Variants in ABCA12 observed in about 807,000 individuals in gnomAD.
ABCA12 encodes glucosylceramide transporter ABCA12.
Under a neutral mutation model 293.5 loss-of-function variants are expected in ABCA12, and 156 were observed. The ratio of observed to expected loss-of-function variants is 0.53; its 90% confidence interval spans 0.47 to 0.61. The LOEUF is 0.61. Ranked by LOEUF, ABCA12 falls within the 20% of genes least tolerant of loss-of-function variation. The pLI is 0.00. For missense variants in ABCA12, 2,797 were observed against 3,090.2 expected (o/e 0.91, Z 2.25); for synonymous variants, 1,063 against 1,108.0 (o/e 0.96, Z 0.81).
chr2:214,974,129 T>G (rs1699453920), intron 35 of ABCA12, 87 bp from the exon 36 acceptor site: 1 of 1,197,506 alleles, frequency 8.4e-7, no homozygotes, highest in African/African-American at 1.5e-5. Context: ...GTATTTGGTA[T>G]TAAGTTCATG....
intron 2 of ABCA12, among the ~76,000 whole-genome samples, chr2:215,088,333 C>T (rs1477015384): frequency 1.3e-5 from 2 of 152,044 alleles, no homozygotes; most frequent in Non-Finnish European, 2.9e-5. Context: ...GACAAATTGA[C>T]AGAACTTAGT....
chr2:215,075,748 A>G (rs1458962493), intron 2 of ABCA12: 6 of 562,788 alleles, frequency 1.1e-5, no homozygotes, highest in Non-Finnish European at 1.9e-5. Context: ...TAATTACCCC[A>G]ATAGAGGTAT....
chr2:214,941,233 T>C (rs1023064029), intron 50 of ABCA12, among the ~76,000 whole-genome samples: 10 of 152,214 alleles, frequency 6.6e-5, no homozygotes, highest in Admixed American at 5.9e-4. Context: ...CCAGTAGTCA[T>C]TCAGGAGCAG....
chr2:215,001,100 G>A (rs1217108186), intron 21 of ABCA12, 80 bp from the exon 22 acceptor site: 3 of 1,388,510 alleles, frequency 2.2e-6, no homozygotes, highest in African/African-American at 2.9e-5. Flanking sequence ...ACACAGAGGG[G>A]ACAGCCAAAC....
intron 50 of ABCA12, among the ~76,000 whole-genome samples, chr2:214,940,703 G>A (rs1028613870): frequency 7.2e-5 from 11 of 152,090 alleles, no homozygotes; most frequent in African/African-American, 2.7e-4. Context: ...TTGGGAGGGT[G>A]TATGTGTTCA....
rs1169427495 is a variant in ABCA12, at chr2:214,989,447, A to G, written c.3711T>C (p.Asn1237=). 1 of 1,613,504 alleles carries G rather than the reference A, an allele frequency of 6.2e-7. No homozygotes were observed. Among genetic ancestry groups the G allele is most frequent in the South Asian group, 1.1e-5 (1 of 91,050 alleles). Residue 1237 remains asparagine, a synonymous_variant, in exon 26 of 53, where the codon AAT becomes AAC. Transcript: ENST00000272895. ...CATCCTGAACCGGGGAGGTGTACAT[A>G]TTTTCCCACTGAAGACCTAAAAAGT... ...EEQGIGLQWE[N]MYTSPVQDDT... is the part of the protein sequence containing the mutation.
rs752624734 is a variant in ABCA12 at position 215,064,228 on chromosome 2, A to G, written c.164-9T>C. The G allele has an allele frequency of 2.5e-6, 4 of 1,611,656 alleles. No homozygotes were observed. In the Admixed American group the frequency reaches 6.7e-5, roughly 27 times the overall value. On this transcript the variant is annotated splice_polypyrimidine_tract_variant and intron_variant, in intron 2 of 52. Coordinates refer to ENST00000272895, the MANE Select transcript of ABCA12 (RefSeq NM_173076.3). ...TCGAGGTGCGAGGTAACCTAAAATT[A>G]AAAAAACAGTCATTACATCAGTATG...
intron 15 of ABCA12, 57 bp from the exon 16 acceptor site, chr2:215,012,192 A>G (rs1007200209): frequency 4.6e-6 from 7 of 1,538,022 alleles, no homozygotes; most frequent in East Asian, 2.2e-5. Flanking sequence ...ATCCTCATGC[A>G]TTGTTGGTAA....
intron 13 of ABCA12, among the ~76,000 whole-genome samples, chr2:215,018,556 A>G (rs1444481656): frequency 1.3e-5 from 2 of 152,200 alleles, no homozygotes; most frequent in African/African-American, 4.8e-5. Flanking sequence ...TCCACACATA[A>G]TGCCACAGAG....
chr2:215,047,451 C>A (rs1406594558), intron 6 of ABCA12, among the ~76,000 whole-genome samples: 1 of 152,104 alleles, frequency 6.6e-6, no homozygotes, highest in Non-Finnish European at 1.5e-5. Context: ...ACCAATGGAA[C>A]AGAATAGCAA....
At chr2:215,015,708 G>C in intron 14 of ABCA12, 45 bp from the exon 15 acceptor site, 1 of 1,570,782 alleles carries the variant, frequency 6.4e-7, no homozygotes, top group Non-Finnish European at 8.8e-7. Context: ...AATCATTCGA[G>C]AGTCAACTGT....
At chr2:215,099,252 C>A (rs1326749283) in intron 2 of ABCA12, among the ~76,000 whole-genome samples, 1 of 152,214 alleles carries the variant, frequency 6.6e-6, no homozygotes, top group Non-Finnish European at 1.5e-5. Flanking sequence ...ACTGTCAGTG[C>A]CAACGCACCA....
At chr2:215,002,993 G>A (rs879787680) in intron 20 of ABCA12, among the ~76,000 whole-genome samples, 34 of 152,122 alleles carry the variant, frequency 2.2e-4, no homozygotes, top group Non-Finnish European at 4.4e-4. Flanking sequence ...ATAGTTCCTT[G>A]CCCAAATGAT....
chr2:214,968,847 G>GA, intron 37 of ABCA12, 40 bp from the exon 38 acceptor site: 3 of 1,569,214 alleles, frequency 1.9e-6, no homozygotes, highest in Non-Finnish European at 2.6e-6. Context: ...GTTTAGTGGA[G>GA]AAAATCTTCT....
chr2:215,038,675 G>A (rs920598320), intron 7 of ABCA12, among the ~76,000 whole-genome samples: 2 of 152,200 alleles, frequency 1.3e-5, no homozygotes, highest in South Asian at 4.1e-4. Flanking sequence ...GACTGTCTCA[G>A]GGCGTAAATC....
At chr2:215,019,966 A>G (rs1700592262) in intron 11 of ABCA12, among the ~76,000 whole-genome samples, 170 bp from the exon 12 acceptor site, 1 of 152,140 alleles carries the variant, frequency 6.6e-6, no homozygotes, top group Admixed American at 6.5e-5. Context: ...ACCGTCTGTC[A>G]TTTGAGTTTA....
At chr2:215,096,573 C>T (rs1702253677) in intron 2 of ABCA12, among the ~76,000 whole-genome samples, 2 of 152,168 alleles carry the variant, frequency 1.3e-5, no homozygotes, top group Non-Finnish European at 1.5e-5. Context: ...CCTTTGTCCC[C>T]CAAATCCAGT....
At position 215,131,268 on chromosome 2, in the gene ABCA12, C is replaced by G. The variant is rs150114561; in HGVS notation, c.69+6872G>C. 6.8e-3 allele frequency among the ~76,000 whole-genome samples: 1,039 copies of G among 151,858 alleles called. 3 individuals carry two copies. The highest frequency in any genetic ancestry group is 9.7e-3 in the Non-Finnish European group (661 of 67,858). ...CATAGAATGAGATGGGAAGGGAGCC[C>G]TCCTCTTCGATTTTTTTTTGGAATA... On this transcript the variant is annotated intron_variant, in intron 1 of 52. Transcript: ENST00000272895.
At chr2:214,951,854 C>T (rs1200841061) in intron 44 of ABCA12, among the ~76,000 whole-genome samples, 3 of 152,146 alleles carry the variant, frequency 2.0e-5, no homozygotes, top group Non-Finnish European at 4.4e-5. Flanking sequence ...ATTTTAAGTG[C>T]ATAATACAGT....
Sources: gnomAD v4.1 joint callset for allele counts (sites outside exome capture counted in the v4.1 genomes callset) on GRCh38, gnomAD v4.1.1 for gene constraint, MANE v1.5 for transcripts, NCBI Gene and HGNC (gene_info 2026-07-23, HGNC 2026-07-21) for gene names.